Variants in CNTNAP2 observed in about 807,000 individuals in gnomAD.
CNTNAP2 encodes contactin associated protein 2.
In CNTNAP2, 98 loss-of-function variants were observed where a neutral mutation model predicts 155.2. The ratio of observed to expected loss-of-function variants is 0.63; its 90% confidence interval spans 0.54 to 0.75. The LOEUF (loss-of-function observed/expected upper bound fraction) is 0.75, where lower values mean the gene tolerates loss of function less well. Ranked by LOEUF, CNTNAP2 falls within the 30% of genes least tolerant of loss-of-function variation. The pLI, the probability that CNTNAP2 is intolerant of heterozygous loss-of-function variation, is 0.00. For synonymous variants in CNTNAP2, 651 were observed against 631.2 expected, an observed-to-expected ratio of 1.03 and a Z score of -0.47; for missense variants, 1,727 against 1,688.1, an observed-to-expected ratio of 1.02 and a Z score of -0.40.
intron 2 of CNTNAP2, among the ~76,000 whole-genome samples, chr7:146,833,431 T>G (rs1241815796): frequency 1.3e-5 from 2 of 152,120 alleles, no homozygotes; most frequent in Non-Finnish European, 2.9e-5. Context: ...TGCTTTATCA[T>G]TTTGGGACTT....
At chr7:148,205,954 C>T (rs1795441670) in intron 18 of CNTNAP2, among the ~76,000 whole-genome samples, 1 of 151,962 alleles carries the variant, frequency 6.6e-6, no homozygotes, top group Non-Finnish European at 1.5e-5. Context: ...CCCTTCTCTT[C>T]CTGGTAAGGC....
intron 1 of CNTNAP2, among the ~76,000 whole-genome samples, chr7:146,684,857 G>C (rs1384023507): frequency 6.6e-6 from 1 of 151,994 alleles, no homozygotes; most frequent in African/African-American, 2.4e-5. Flanking sequence ...ATGGTGCTCC[G>C]TGACCTTGAT....
intron 8 of CNTNAP2, among the ~76,000 whole-genome samples, chr7:147,188,471 CA>C (rs1342497477): frequency 1.3e-5 from 2 of 152,102 alleles, no homozygotes; most frequent in Non-Finnish European, 2.9e-5. Context: ...TGACTATCCC[CA>C]AGTAGCAAAC....
At position 147,658,281 on chromosome 7, in the gene CNTNAP2, C is replaced by T. The variant is rs556658120; in HGVS notation, c.2098+18975C>T. Among the ~76,000 whole-genome samples the T allele has an allele frequency of 6.6e-5, 10 of 151,850 alleles. No individual in the cohort carries two copies. In the East Asian group the frequency reaches 1.9e-3, roughly 29 times the overall value. On this transcript the variant is annotated intron_variant, in intron 13 of 23. Transcript: ENST00000361727. ...CAAAAAAAAAAAAAAAAAAAGATAG[C>T]CGACCTTACCTTAATGAATTTTCCA...
chr7:147,979,459 T>A (rs1801485511), intron 15 of CNTNAP2, among the ~76,000 whole-genome samples: 1 of 152,254 alleles, frequency 6.6e-6, no homozygotes, highest in East Asian at 1.9e-4. Context: ...TGTTATGGAA[T>A]AATTACTCAT....
At chr7:146,359,792 ATG>A (rs142587036) in intron 1 of CNTNAP2, among the ~76,000 whole-genome samples, 1 of 151,694 alleles carries the variant, frequency 6.6e-6, no homozygotes, top group South Asian at 2.1e-4. Context: ...GTGTGTGTGT[ATG>A]TGTGTGTGTG....
intron 1 of CNTNAP2, among the ~76,000 whole-genome samples, chr7:146,597,622 T>C (rs1463360080): frequency 6.6e-6 from 1 of 152,080 alleles, no homozygotes; most frequent in Non-Finnish European, 1.5e-5. Flanking sequence ...AGCAATGTTA[T>C]TTCACAATTT....
At chr7:147,823,017 A>ACCTTCTT (rs1798386709) in intron 13 of CNTNAP2, among the ~76,000 whole-genome samples, 2 of 152,230 alleles carry the variant, frequency 1.3e-5, no homozygotes, top group African/African-American at 4.8e-5. Context: ...TCTGGATAAT[A>ACCTTCTT]AAGCTTGCTT....
chr7:146,661,849 A>G (rs1191923934), intron 1 of CNTNAP2, among the ~76,000 whole-genome samples: 2 of 151,398 alleles, frequency 1.3e-5, no homozygotes, highest in Admixed American at 1.3e-4. Flanking sequence ...AGGATGGTAT[A>G]TGTTCATTTT....
At chr7:146,304,095 CT>C (rs550435247) in intron 1 of CNTNAP2, among the ~76,000 whole-genome samples, 4,694 of 132,332 alleles carry the variant, frequency 0.035, 106 homozygotes, top group Non-Finnish European at 0.051. Flanking sequence ...GCAAACCCTG[CT>C]TTTTTTTTTT....
chr7:147,329,289 G>A (rs1298169580), intron 9 of CNTNAP2, among the ~76,000 whole-genome samples: 1 of 151,980 alleles, frequency 6.6e-6, no homozygotes, highest in Non-Finnish European at 1.5e-5. Context: ...TTATAAAAAT[G>A]TATAACATTC....
chr7:146,564,882 G>C (rs1157309331), intron 1 of CNTNAP2, among the ~76,000 whole-genome samples: 1 of 151,946 alleles, frequency 6.6e-6, no homozygotes, highest in Non-Finnish European at 1.5e-5. Context: ...CATAAGCAAA[G>C]TATGATCTCT....
At chr7:148,295,000 G>T (rs1797256072) in intron 21 of CNTNAP2, among the ~76,000 whole-genome samples, 1 of 152,070 alleles carries the variant, frequency 6.6e-6, no homozygotes, top group African/African-American at 2.4e-5. Flanking sequence ...TTTGTCTAAG[G>T]TCTTAAAGTT....
chr7:147,833,953 C>T (rs1394501807), intron 13 of CNTNAP2, among the ~76,000 whole-genome samples: 1 of 151,902 alleles, frequency 6.6e-6, no homozygotes, highest in African/African-American at 2.4e-5. Flanking sequence ...AGGGAGGGGA[C>T]GGCATGAAGA....
At chr7:147,907,345 C>T (rs980042386) in intron 14 of CNTNAP2, among the ~76,000 whole-genome samples, 5 of 152,300 alleles carry the variant, frequency 3.3e-5, no homozygotes, top group South Asian at 2.1e-4. Flanking sequence ...CTTGAGCCAT[C>T]GCGCCCAGCC....
intron 1 of CNTNAP2, among the ~76,000 whole-genome samples, chr7:146,207,025 A>G (rs1379580965): frequency 6.6e-6 from 1 of 151,962 alleles, no homozygotes; most frequent in African/African-American, 2.4e-5. Flanking sequence ...AGAGCTCTCA[A>G]AAAACAACAT....
intron 3 of CNTNAP2, among the ~76,000 whole-genome samples, chr7:147,034,158 T>C (rs1367540708): frequency 1.3e-5 from 2 of 152,210 alleles, no homozygotes; most frequent in Non-Finnish European, 2.9e-5. Flanking sequence ...TTCCGGGCAT[T>C]GCCATGCCAT....
chr7:146,829,735 T>G (rs1369696848), intron 2 of CNTNAP2, among the ~76,000 whole-genome samples: 1 of 152,088 alleles, frequency 6.6e-6, no homozygotes, highest in African/African-American at 2.4e-5. Flanking sequence ...TGGAATTTAA[T>G]TTACTCTTTA....
At chr7:146,218,918 A>G (rs1236395348) in intron 1 of CNTNAP2, among the ~76,000 whole-genome samples, 1 of 152,046 alleles carries the variant, frequency 6.6e-6, no homozygotes, top group African/African-American at 2.4e-5. Context: ...TAATCTGGAG[A>G]TGTAAGTGTA....
Sources: gnomAD v4.1 joint callset for allele counts (sites outside exome capture counted in the v4.1 genomes callset) on GRCh38, gnomAD v4.1.1 for gene constraint, MANE v1.5 for transcripts, NCBI Gene and HGNC (gene_info 2026-07-23, HGNC 2026-07-21) for gene names.